PCDHGA8: variants seen among roughly 807,000 people sequenced by gnomAD.
The protein encoded by PCDHGA8 is protocadherin gamma-A8.
In PCDHGA8, 45 loss-of-function variants were observed where a neutral mutation model predicts 59.2. The ratio of observed to expected loss-of-function variants is 0.76; its 90% confidence interval spans 0.60 to 0.98. The LOEUF (loss-of-function observed/expected upper bound fraction) is 0.98, where lower values mean the gene tolerates loss of function less well. Among genes scored for constraint, PCDHGA8 ranks in the 50% least tolerant of loss-of-function variants. The pLI is 0.00. For missense variants in PCDHGA8, 1,257 were observed against 1,196.2 expected, an observed-to-expected ratio of 1.05 and a Z score of -0.75; for synonymous variants, 531 against 519.0, an observed-to-expected ratio of 1.02 and a Z score of -0.32.
At chr5:141,405,389 T>A in intron 1 of PCDHGA8, 12 of 1,600,534 alleles carry the variant, frequency 7.5e-6, no homozygotes, top group Non-Finnish European at 8.5e-6. Context: ...GAGTTCATTT[T>A]TTTTCTTTCT....
chr5:141,421,680 G>A (rs2096591907), intron 1 of PCDHGA8: 5 of 1,613,758 alleles, frequency 3.1e-6, no homozygotes, highest in Non-Finnish European at 4.2e-6. Context: ...TTCCTGGGGC[G>A]CGATTTGCTC....
intron 1 of PCDHGA8, among the ~76,000 whole-genome samples, chr5:141,474,922 C>G (rs748864870): frequency 3.9e-5 from 6 of 152,238 alleles, no homozygotes; most frequent in Non-Finnish European, 8.8e-5. Flanking sequence ...CATCTCATCT[C>G]TGGCTTATAT....
chr5:141,423,437 C>CACGT (rs766166209), intron 1 of PCDHGA8: 1 of 1,613,952 alleles, frequency 6.2e-7, no homozygotes, highest in Non-Finnish European at 8.5e-7. Context: ...GCAGGTATGC[C>CACGT]CACGTCACAT....
chr5:141,405,648 G>A (rs936380418), intron 1 of PCDHGA8: 3 of 523,734 alleles, frequency 5.7e-6, no homozygotes, highest in East Asian at 3.2e-5. Flanking sequence ...CTAATTTTTT[G>A]TGTGTTTTTA....
chr5:141,477,265 G>A lies in PCDHGA8; in HGVS notation c.2425-17542G>A. The A allele has an allele frequency of 6.2e-7, 1 of 1,614,198 alleles. No individual in the cohort carries two copies. Among genetic ancestry groups the A allele is most frequent in the African/African-American group, 1.3e-5 (1 of 75,048 alleles). On this transcript the variant is annotated intron_variant, in intron 1 of 3. Transcript: ENST00000398604. The surrounding 1 kb of genome is among the most constrained non-coding windows in gnomAD (Gnocchi z 4.9). ...GTGTGACTGACCTGGATGCTGGCGA[G>A]AACGGGCTGGTGACCTGCGAAGTTC...
Position 141,491,657 on chromosome 5 carries a change from A to T in PCDHGA8, c.2425-3150A>T. 1.2e-6 allele frequency: 2 copies of T among 1,613,740 alleles called. No homozygotes were observed. Among genetic ancestry groups the T allele is most frequent in the Non-Finnish European group, 1.7e-6 (2 of 1,180,006 alleles). On this transcript the variant is annotated intron_variant, in intron 1 of 3. Transcript: ENST00000398604. The surrounding 1 kb of genome is among the most constrained non-coding windows in gnomAD (Gnocchi z 6.9). ...CCCACAGCTCTGGCGCTGGAGCCTG[A>T]CGCCATCCGGTCCCGCTCTAATACG...
intron 1 of PCDHGA8, chr5:141,423,051 C>T (rs200022455): frequency 1.7e-5 from 28 of 1,614,084 alleles, no homozygotes; most frequent in Non-Finnish European, 2.3e-5. Context: ...TGTCCTATCG[C>T]CTGCTTAAGG....
At chr5:141,484,968 C>A (rs2099604490) in intron 1 of PCDHGA8, 2 of 585,734 alleles carry the variant, frequency 3.4e-6, no homozygotes, top group African/African-American at 3.7e-5. Context: ...GCCCGGGAGC[C>A]GCTGTCTGCC....
chr5:141,470,369 T>C (rs751264270), intron 1 of PCDHGA8, among the ~76,000 whole-genome samples: 2 of 152,226 alleles, frequency 1.3e-5, no homozygotes, highest in Non-Finnish European at 1.5e-5. Context: ...TTAGGTTGAA[T>C]GGAAAGACTA....
chr5:141,418,045 G>C (rs754041387), intron 1 of PCDHGA8: 2 of 1,614,002 alleles, frequency 1.2e-6, no homozygotes, highest in Admixed American at 1.7e-5. Context: ...TGGATGTGTC[G>C]GCTCGCGAGC....
chr5:141,403,855 A>G (rs750458276), intron 1 of PCDHGA8: 12 of 1,613,676 alleles, frequency 7.4e-6, no homozygotes, highest in Non-Finnish European at 1.0e-5. Flanking sequence ...CTGGGGAAAT[A>G]TCAACAGCAA....
At chr5:141,508,408 C>T (rs938019804) in intron 3 of PCDHGA8, 1 of 152,180 alleles carries the variant, frequency 6.6e-6, no homozygotes, top group Non-Finnish European at 1.5e-5. Context: ...GCTTGAGCCA[C>T]GCAGAGACTT....
intron 1 of PCDHGA8, chr5:141,420,054 G>A (rs1355002535): frequency 6.2e-7 from 1 of 1,614,070 alleles, no homozygotes; most frequent in East Asian, 2.2e-5. Context: ...TCAGTTCTCT[G>A]CTCCAAGTCC....
rs780436102 is a variant in PCDHGA8 at position 141,431,846 on chromosome 5, G to T, written c.2424+36609G>T. On this transcript the variant is annotated intron_variant, in intron 1 of 3. Coordinates refer to ENST00000398604, the MANE Select transcript of PCDHGA8 (RefSeq NM_032088.2). The surrounding 1 kb of genome is among the most constrained non-coding windows in gnomAD (Gnocchi z 4.8). ...CTCGGTTCCCGAAAACTCTCCCAGA[G>T]GGACATTAATTGCCCTTTTAAATGT... 4 of 1,614,274 alleles carry T rather than the reference G, an allele frequency of 2.5e-6. No homozygotes were observed. The South Asian group carries it at 4.4e-5, about 18-fold the overall frequency.
intron 1 of PCDHGA8, chr5:141,409,276 G>T: frequency 6.2e-7 from 1 of 1,614,000 alleles, no homozygotes; most frequent in Non-Finnish European, 8.5e-7. Flanking sequence ...AGATTTTGGA[G>T]AATTCACCTC....
chr5:141,399,540 C>A (rs775910113), intron 1 of PCDHGA8: 2 of 1,613,934 alleles, frequency 1.2e-6, no homozygotes, highest in Non-Finnish European at 1.7e-6. Context: ...CGCAAGTCTG[C>A]GCCTCGGACC....
chr5:141,402,402 T>TTAAGATAC (rs1275769528), intron 1 of PCDHGA8, among the ~76,000 whole-genome samples: 2 of 152,012 alleles, frequency 1.3e-5, no homozygotes, highest in South Asian at 4.1e-4. Context: ...CAGAAAATTG[T>TTAAGATAC]TAAGATACAC....
chr5:141,511,641 A>C lies in PCDHGA8; in HGVS notation c.*468A>C. On this transcript the variant is annotated 3_prime_UTR_variant, in exon 4 of 4. Transcript: ENST00000398604. ...TCTGAAAAGTTGGAAGGGCATCATG[A>C]CCTCTTGGCCTCTCCTTTGATTCTC... 1 of 224,930 alleles carries C rather than the reference A, an allele frequency of 4.4e-6. No homozygotes were observed. The allele number at this position is 224,930 out of a possible 1,614,324, so 13.9% of individuals were successfully genotyped here. A position where few individuals can be genotyped will look rare whatever the true frequency, so the allele number is the denominator to read the frequency against.
chr5:141,444,589 C>A (rs1198742574), intron 1 of PCDHGA8, among the ~76,000 whole-genome samples: 1 of 152,068 alleles, frequency 6.6e-6, no homozygotes, highest in Non-Finnish European at 1.5e-5. Context: ...TTTCTACTTA[C>A]CTTATTTAAA....
Sources: gnomAD v4.1 joint callset for allele counts (sites outside exome capture counted in the v4.1 genomes callset) on GRCh38, gnomAD v4.1.1 for gene constraint, Gnocchi (gnomAD v3.1) non-coding constraint, MANE v1.5 for transcripts, NCBI Gene and HGNC (gene_info 2026-07-23, HGNC 2026-07-21) for gene names.